The following ITGAV variants were observed in gnomAD, a reference collection of about 807,000 sequenced individuals.
The protein encoded by ITGAV is integrin subunit alpha V, also known as integrin alpha-V.
Under a neutral mutation model 143.8 loss-of-function variants are expected in ITGAV, and 76 were observed. The observed-to-expected ratio is 0.53, with a 90% CI of 0.44 to 0.64. The LOEUF (loss-of-function observed/expected upper bound fraction) is 0.64, where lower values mean the gene tolerates loss of function less well. ITGAV is among the 30% of genes least tolerant of loss of function. The probability of loss-of-function intolerance (pLI) is 0.00; values close to 1 mark genes in which losing one functional copy is unlikely to be tolerated. For missense variants in ITGAV, 1,193 were observed against 1,274.7 expected (o/e 0.94, Z 0.98); for synonymous variants, 453 against 446.7 (o/e 1.01, Z -0.18).
At chr2:186,607,683 T>TA (rs1190163058) in intron 2 of ITGAV, among the ~76,000 whole-genome samples, 1 of 152,188 alleles carries the variant, frequency 6.6e-6, no homozygotes, top group African/African-American at 2.4e-5. Context: ...ATAGGGATAT[T>TA]AAAATGGAAT....
At chr2:186,664,100 C>G (rs1174604359) in intron 19 of ITGAV, among the ~76,000 whole-genome samples, 1 of 152,130 alleles carries the variant, frequency 6.6e-6, no homozygotes, top group East Asian at 1.9e-4. Flanking sequence ...AGATACACTT[C>G]ATCATAAACA....
At chr2:186,654,071 C>T (rs1386872446) in intron 15 of ITGAV, among the ~76,000 whole-genome samples, 1 of 152,120 alleles carries the variant, frequency 6.6e-6, no homozygotes, top group Non-Finnish European at 1.5e-5. Context: ...CACAGTGGCT[C>T]ACTGTAATCC....
chr2:186,654,332 C>G (rs75950014), intron 15 of ITGAV, among the ~76,000 whole-genome samples: 6 of 84,838 alleles, frequency 7.1e-5, no homozygotes, highest in Admixed American at 1.3e-4. Context: ...GACTCTGTCT[C>G]AAAAAAAAAA....
At chr2:186,608,023 G>A (rs1488280218) in intron 2 of ITGAV, among the ~76,000 whole-genome samples, 1 of 152,162 alleles carries the variant, frequency 6.6e-6, no homozygotes, top group Non-Finnish European at 1.5e-5. Flanking sequence ...GGGGGCAAGA[G>A]GCTTTGAAGC....
chr2:186,670,614 A>G (rs891795051), intron 26 of ITGAV, among the ~76,000 whole-genome samples: 24 of 152,136 alleles, frequency 1.6e-4, no homozygotes, highest in African/African-American at 5.8e-4. Context: ...TTTATGTTCA[A>G]TAGTGATCAC....
intron 21 of ITGAV, among the ~76,000 whole-genome samples, chr2:186,666,377 C>T (rs1357019183): frequency 6.6e-6 from 1 of 152,106 alleles, no homozygotes; most frequent in Non-Finnish European, 1.5e-5. Context: ...TGGTTAGCTT[C>T]GTGTTATCAA....
intron 5 of ITGAV, among the ~76,000 whole-genome samples, chr2:186,631,910 C>T (rs1365578625): frequency 6.6e-6 from 1 of 152,022 alleles, no homozygotes; most frequent in Non-Finnish European, 1.5e-5. Context: ...GCTTGTGGTC[C>T]TAGCTATTCG....
intron 25 of ITGAV, 112 bp downstream of exon 25, chr2:186,669,032 T>A: frequency 1.1e-6 from 1 of 951,888 alleles, no homozygotes; most frequent in Non-Finnish European, 1.5e-6. Context: ...AAACCCACTC[T>A]GCAAAAAATG....
At chr2:186,614,738 T>G (rs1489802931) in intron 2 of ITGAV, among the ~76,000 whole-genome samples, 1 of 152,082 alleles carries the variant, frequency 6.6e-6, no homozygotes, top group East Asian at 1.9e-4. Flanking sequence ...CTATTACTCT[T>G]CTGACACATC....
At chr2:186,607,078 C>T (rs1211916023) in intron 2 of ITGAV, among the ~76,000 whole-genome samples, 2 of 152,070 alleles carry the variant, frequency 1.3e-5, no homozygotes, top group Non-Finnish European at 2.9e-5. Flanking sequence ...CAAATCTAGC[C>T]TCTGTCATTT....
intron 4 of ITGAV, among the ~76,000 whole-genome samples, chr2:186,627,508 T>G (rs1400733987): frequency 6.6e-6 from 1 of 152,200 alleles, no homozygotes; most frequent in Non-Finnish European, 1.5e-5. Flanking sequence ...GTTCTAACAA[T>G]GATTCCCTTG....
chr2:186,652,190 C>A, intron 15 of ITGAV, 101 bp downstream of exon 15: 1 of 725,060 alleles, frequency 1.4e-6, no homozygotes, highest in South Asian at 1.7e-5. Context: ...ATTGCTAAAA[C>A]AGTTTCTGTG....
At chr2:186,603,060 TGA>T (rs1206702509) in intron 2 of ITGAV, among the ~76,000 whole-genome samples, 1 of 152,134 alleles carries the variant, frequency 6.6e-6, no homozygotes, top group Non-Finnish European at 1.5e-5. Context: ...ATGTGTAAGA[TGA>T]GAAATAAGCT....
intron 12 of ITGAV, among the ~76,000 whole-genome samples, chr2:186,643,554 G>A (rs1003532180): frequency 1.3e-5 from 2 of 152,164 alleles, no homozygotes; most frequent in Admixed American, 6.5e-5. Context: ...GACATTAAGT[G>A]TCATTGTTCC....
At chr2:186,631,866 A>G (rs1416419957) in intron 5 of ITGAV, among the ~76,000 whole-genome samples, 1 of 152,110 alleles carries the variant, frequency 6.6e-6, no homozygotes, top group Non-Finnish European at 1.5e-5. Context: ...ATCTCTACAA[A>G]GAATTAAAAA....
intron 28 of ITGAV, 120 bp downstream of exon 28, chr2:186,676,047 TATATG>T: frequency 1.6e-6 from 1 of 636,938 alleles, no homozygotes; most frequent in South Asian, 2.0e-5. Context: ...CTAATGAAGT[TATATG>T]ATAGCATTAT....
chr2:186,678,867 T>G lies in ITGAV; in HGVS notation c.*1575T>G. 2.5e-6 allele frequency: 1 copy of G among 393,186 alleles called. No homozygotes were observed. The highest frequency in any genetic ancestry group is 5.0e-6 in the Non-Finnish European group (1 of 200,068). 24.4% of individuals were successfully genotyped at this position (393,186 alleles called of 1,614,324 possible). ...GCTGTGTTTTAAAAATGATTGAAAT[T>G]TATCTTGCCATATCTCATAATTTCA... On this transcript the variant is annotated 3_prime_UTR_variant, in exon 30 of 30. Transcript: ENST00000261023.
At chr2:186,597,883 C>T (rs1686788209) in intron 1 of ITGAV, among the ~76,000 whole-genome samples, 1 of 152,180 alleles carries the variant, frequency 6.6e-6, no homozygotes, top group Admixed American at 6.5e-5. Context: ...ACAGTTTCAT[C>T]CCGAAAGCAT....
chr2:186,622,468 T>C, intron 3 of ITGAV, 38 bp downstream of exon 3: 2 of 1,326,766 alleles, frequency 1.5e-6, no homozygotes, highest in Non-Finnish European at 2.2e-6. Context: ...GTGATTTTAG[T>C]CAGTTTATGT....
Sources: gnomAD v4.1 joint callset for allele counts (sites outside exome capture counted in the v4.1 genomes callset) on GRCh38, gnomAD v4.1.1 for gene constraint, MANE v1.5 for transcripts, NCBI Gene and HGNC (gene_info 2026-07-23, HGNC 2026-07-21) for gene names.